Variants in LYPLAL1 observed in about 807,000 individuals in gnomAD.
LYPLAL1 encodes the protein lysophospholipase-like protein 1.
LYPLAL1 carries 23 observed loss-of-function variants against 19.7 expected under a neutral mutation model. That is an observed-to-expected ratio of 1.17 (90% CI 0.84 to 1.65). The LOEUF is 1.65. Among genes scored for constraint, LYPLAL1 ranks in the 40% most tolerant of loss-of-function variants. The probability of loss-of-function intolerance (pLI) is 0.00; values close to 1 mark genes in which losing one functional copy is unlikely to be tolerated. For synonymous variants in LYPLAL1, 119 were observed against 96.3 expected (o/e 1.24, Z -1.38); for missense variants, 355 against 279.4 (o/e 1.27, Z -1.93).
the LYPLAL1 span, among the ~76,000 whole-genome samples, chr1:219,362,014 A>G: frequency 6.6e-6 from 1 of 152,110 alleles, no homozygotes; most frequent in Admixed American, 6.6e-5. Flanking sequence ...ACTGGGGAAT[A>G]CCAAAATTAA....
the LYPLAL1 span, among the ~76,000 whole-genome samples, chr1:219,284,832 TCTC>T: frequency 1.3e-5 from 2 of 152,124 alleles, no homozygotes; most frequent in African/African-American, 2.4e-5. Context: ...ATTCCCCAAC[TCTC>T]CTCTGTGCCA....
chr1:219,320,245 T>C, the LYPLAL1 span, among the ~76,000 whole-genome samples: 2 of 152,268 alleles, frequency 1.3e-5, no homozygotes, highest in East Asian at 1.9e-4. Flanking sequence ...CAATCTATAC[T>C]GGTCCTGCCT....
At chr1:219,346,027 A>G in the LYPLAL1 span, among the ~76,000 whole-genome samples, 2 of 152,132 alleles carry the variant, frequency 1.3e-5, no homozygotes, top group Non-Finnish European at 2.9e-5. Flanking sequence ...CCCTCTAGGA[A>G]AATCCACAGA....
At chr1:219,227,662 T>G in the LYPLAL1 span, among the ~76,000 whole-genome samples, 2 of 151,904 alleles carry the variant, frequency 1.3e-5, no homozygotes, top group African/African-American at 2.4e-5. Flanking sequence ...CAAAAAAAAA[T>G]TGAAAAATGA....
chr1:219,219,845 T>G, the LYPLAL1 span, among the ~76,000 whole-genome samples: 2 of 152,116 alleles, frequency 1.3e-5, no homozygotes, highest in African/African-American at 4.8e-5. Flanking sequence ...AGTGATAAAC[T>G]AGTGAGTCCT....
the LYPLAL1 span, among the ~76,000 whole-genome samples, chr1:219,399,816 C>T: frequency 6.6e-6 from 1 of 152,110 alleles, no homozygotes; most frequent in Non-Finnish European, 1.5e-5. Context: ...AGTTCAGGTC[C>T]GACAGTTCTG....
the LYPLAL1 span, among the ~76,000 whole-genome samples, chr1:219,324,791 G>A: frequency 1.3e-5 from 2 of 152,124 alleles, no homozygotes; most frequent in Non-Finnish European, 2.9e-5. Flanking sequence ...TATGATTTTT[G>A]TTATTGTGGC....
At chr1:219,394,950 A>C in the LYPLAL1 span, among the ~76,000 whole-genome samples, 1 of 152,186 alleles carries the variant, frequency 6.6e-6, no homozygotes, top group Admixed American at 6.5e-5. Flanking sequence ...GTTTCTGCAA[A>C]GGCATGATCT....
At chr1:219,259,891 T>C in the LYPLAL1 span, among the ~76,000 whole-genome samples, 2 of 151,932 alleles carry the variant, frequency 1.3e-5, no homozygotes, top group Non-Finnish European at 2.9e-5. Flanking sequence ...ATTGAAATAT[T>C]TGGAAATTAA....
At chr1:219,297,047 AT>A in the LYPLAL1 span, among the ~76,000 whole-genome samples, 1 of 152,230 alleles carries the variant, frequency 6.6e-6, no homozygotes, top group African/African-American at 2.4e-5. Flanking sequence ...ATTCCTTCAT[AT>A]AAACCTGGGC....
downstream of LYPLAL1, among the ~76,000 whole-genome samples, chr1:219,214,547 A>G (rs1201838574): frequency 6.6e-6 from 1 of 152,050 alleles, no homozygotes; most frequent in Non-Finnish European, 1.5e-5. Context: ...CAGCAATATT[A>G]TGCCACTTCA....
At chr1:219,433,601 T>G in the LYPLAL1 span, among the ~76,000 whole-genome samples, 1 of 152,146 alleles carries the variant, frequency 6.6e-6, no homozygotes, top group African/African-American at 2.4e-5. Flanking sequence ...CCAAACAGAC[T>G]CAGCCACGTG....
the LYPLAL1 span, among the ~76,000 whole-genome samples, chr1:219,256,626 C>T: frequency 6.6e-6 from 1 of 151,716 alleles, no homozygotes. Flanking sequence ...TTTTCCATCC[C>T]TTCTTTACTT....
At chr1:219,239,514 T>C in the LYPLAL1 span, among the ~76,000 whole-genome samples, 1 of 152,218 alleles carries the variant, frequency 6.6e-6, no homozygotes, top group Non-Finnish European at 1.5e-5. Context: ...ACTATCGGGA[T>C]ATAGAGAAAA....
At chr1:219,233,185 A>G in the LYPLAL1 span, among the ~76,000 whole-genome samples, 1 of 152,246 alleles carries the variant, frequency 6.6e-6, no homozygotes, top group South Asian at 2.1e-4. Flanking sequence ...TTCAGCCTTT[A>G]AAATGAAATA....
the LYPLAL1 span, among the ~76,000 whole-genome samples, chr1:219,238,638 A>T: frequency 6.6e-6 from 1 of 152,134 alleles, no homozygotes; most frequent in Non-Finnish European, 1.5e-5. Flanking sequence ...CCAGGTCTGG[A>T]ACCACTGCAG....
chr1:219,251,805 T>C, the LYPLAL1 span, among the ~76,000 whole-genome samples: 5 of 152,106 alleles, frequency 3.3e-5, no homozygotes, highest in Admixed American at 6.6e-5. Flanking sequence ...CTTTTTCTAG[T>C]TCTGTAAAGA....
chr1:219,192,953 T>A, intron 2 of LYPLAL1, 129 bp from the exon 3 acceptor site: 1 of 957,000 alleles, frequency 1.0e-6, no homozygotes, highest in Non-Finnish European at 1.5e-6. Flanking sequence ...TTAATATGCA[T>A]TTAACTTATA....
the LYPLAL1 span, among the ~76,000 whole-genome samples, chr1:219,408,658 G>A: frequency 6.6e-6 from 1 of 152,052 alleles, no homozygotes; most frequent in South Asian, 2.1e-4. Flanking sequence ...TTTCCAGGAG[G>A]GTATGCTTAA....
Sources: gnomAD v4.1 joint callset for allele counts (sites outside exome capture counted in the v4.1 genomes callset) on GRCh38, gnomAD v4.1.1 for gene constraint, MANE v1.5 for transcripts, NCBI Gene and HGNC (gene_info 2026-07-23, HGNC 2026-07-21) for gene names.